ACOT11: variants seen among roughly 807,000 people sequenced by gnomAD.
The protein encoded by ACOT11 is acyl-CoA thioesterase 11.
ACOT11 carries 69 observed loss-of-function variants against 77.5 expected under a neutral mutation model. That is an observed-to-expected ratio of 0.89 (90% CI 0.73 to 1.09). The LOEUF (loss-of-function observed/expected upper bound fraction) is 1.09. ACOT11 is among the 50% of genes least tolerant of loss of function. The pLI is 0.00. For synonymous variants in ACOT11, 279 were observed against 313.0 expected (o/e 0.89, Z 1.15); for missense variants, 766 against 813.7 (o/e 0.94, Z 0.71).
At chr1:54,562,342 CG>C (rs1653544689) in intron 1 of ACOT11, among the ~76,000 whole-genome samples, 6 of 88,618 alleles carry the variant, frequency 6.8e-5, no homozygotes, top group African/African-American at 3.6e-4. Flanking sequence ...CCCTCCCGGA[CG>C]GGGTGGCTGG....
intron 1 of ACOT11, among the ~76,000 whole-genome samples, chr1:54,548,990 G>C (rs1463246221): frequency 6.6e-6 from 1 of 152,184 alleles, no homozygotes; most frequent in Non-Finnish European, 1.5e-5. Context: ...GATGGGCTCA[G>C]GACAGACTGG....
At chr1:54,610,338 G>T (rs115202613), downstream of ACOT11, 2 of 1,567,528 alleles carry the variant, frequency 1.3e-6, no homozygotes, top group South Asian at 1.2e-5. Context: ...AACAGAGACC[G>T]GCGGTACCTG....
chr1:54,607,840 C>G lies in ACOT11; in HGVS notation c.1503-102C>G. 6.8e-7 allele frequency: 1 copy of G among 1,461,404 alleles called. No homozygotes were observed. Among genetic ancestry groups the G allele is most frequent in the Non-Finnish European group, 9.3e-7 (1 of 1,071,842 alleles). 90.5% of individuals were successfully genotyped at this position (1,461,404 alleles called of 1,614,324 possible). A position where few individuals can be genotyped will look rare whatever the true frequency, so the allele number is the denominator to read the frequency against. On this transcript the variant is annotated intron_variant, in intron 14 of 15. Coordinates refer to ENST00000343744, the MANE Select transcript of ACOT11 (RefSeq NM_147161.4). This position sits in a 1 kb window ranked among gnomAD's most constrained non-coding sequence, Gnocchi z 4.5. ...GCCTTGCATCCCCCTGGTGAGGAAT[C>G]TGTGCTAGAGGGGGCAGGGTCTCGG...
At chr1:54,562,455 A>C (rs1569654086) in intron 1 of ACOT11, among the ~76,000 whole-genome samples, 2 of 65,974 alleles carry the variant, frequency 3.0e-5, no homozygotes, top group African/African-American at 1.0e-4. Context: ...TGATCCCCCC[A>C]CCTCCCTCCC....
At chr1:54,634,958 A>C (rs1314188493) in exon 17 of ACOT11, 15 of 497,160 alleles carry the variant, frequency 3.0e-5, no homozygotes, top group Non-Finnish European at 3.2e-5. Context: ...AATGGTAGCT[A>C]TGATAGCAGT....
At chr1:54,591,105 G>A (rs545943858) in intron 3 of ACOT11, among the ~76,000 whole-genome samples, 4 of 152,100 alleles carry the variant, frequency 2.6e-5, no homozygotes, top group Non-Finnish European at 4.4e-5. Flanking sequence ...ACATCGTGAT[G>A]CTTCATCCGT....
intron 1 of ACOT11, among the ~76,000 whole-genome samples, chr1:54,553,614 A>G (rs1221452023): frequency 6.6e-6 from 1 of 151,990 alleles, no homozygotes; most frequent in East Asian, 1.9e-4. Context: ...TTTTTTGGTG[A>G]TAGTGCAGAA....
rs1644035846 is a variant in ACOT11 at position 54,607,164 on chromosome 1, G to A, written c.1401G>A (p.Glu467=). The change falls in exon 14 of 16, where the codon GAG becomes GAA. Residue 467 remains glutamate (E), a synonymous_variant. Transcript: ENST00000343744. The surrounding 1 kb of genome is among the most constrained non-coding windows in gnomAD (Gnocchi z 4.5). ...RSVELVQQVD[E]DDAIYHVTSP... is the part of the protein sequence containing the mutation. Reference sequence around the variant, plus strand: ...TGGAGCTAGTGCAGCAGGTAGACGAGGACGACGCCATCTACCACGTCACCA... The same window carrying A: ...TGGAGCTAGTGCAGCAGGTAGACGAAGACGACGCCATCTACCACGTCACCA... The A allele has an allele frequency of 1.2e-6, 2 of 1,614,160 alleles. No individual in the cohort carries two copies. The highest frequency in any genetic ancestry group is 1.7e-6 in the Non-Finnish European group (2 of 1,180,020).
intron 1 of ACOT11, among the ~76,000 whole-genome samples, chr1:54,558,182 T>C (rs1270662945): frequency 6.6e-6 from 1 of 152,172 alleles, no homozygotes; most frequent in African/African-American, 2.4e-5. Flanking sequence ...TGGCCAATGA[T>C]ATATATAGCC....
chr1:54,632,817 G>A (rs1644308352), intron 16 of ACOT11, among the ~76,000 whole-genome samples: 1 of 152,184 alleles, frequency 6.6e-6, no homozygotes, highest in African/African-American at 2.4e-5. Flanking sequence ...TAACATAGTT[G>A]GAGTTGGTAA....
At chr1:54,565,476 T>G (rs1017415567) in intron 1 of ACOT11, among the ~76,000 whole-genome samples, 2 of 151,960 alleles carry the variant, frequency 1.3e-5, no homozygotes, top group African/African-American at 4.8e-5. Context: ...GGCTCTGGAG[T>G]CAGAAGGACC....
chr1:54,584,667 G>C lies in ACOT11; in HGVS notation c.46G>C (p.Val16Leu), dbSNP rs765374744. The stretch of plus-strand genomic sequence containing the variant: ...ACCTGTACCCCAGGGCTTGGCCTCT[G>C]TGTTCTCCAACCGCACATCCCGGAA... Reference protein sequence around the residue: ...GNHLRRGLASVFSNRTSRKSA... With the variant: ...GNHLRRGLASLFSNRTSRKSA... The change falls in exon 2 of 16, where the codon GTG becomes CTG. Residue 16 changes from valine (V) to leucine (L), a missense_variant. Physicochemically the swap from Val to Leu is conservative, Grantham distance 32 (BLOSUM62 1). Coordinates refer to ENST00000343744, the MANE Select transcript of ACOT11 (RefSeq NM_147161.4). The surrounding 1 kb of genome is among the most constrained non-coding windows in gnomAD (Gnocchi z 6.3). The C allele has an allele frequency of 6.2e-7, 1 of 1,614,110 alleles. No individual in the cohort carries two copies. The highest frequency in any genetic ancestry group is 1.7e-5 in the Admixed American group (1 of 60,012).
downstream of ACOT11, chr1:54,610,653 T>TAG: frequency 6.7e-7 from 1 of 1,502,312 alleles, no homozygotes; most frequent in South Asian, 1.3e-5. Flanking sequence ...ACGGGCATCC[T>TAG]CTCTAAGCCT....
At chr1:54,608,399 A>T (rs1644059246) in intron 15 of ACOT11, among the ~76,000 whole-genome samples, 1 of 152,034 alleles carries the variant, frequency 6.6e-6, no homozygotes, top group Non-Finnish European at 1.5e-5. Context: ...AGGGCCCATA[A>T]AACCCAGCAG....
chr1:54,601,652 G>A (rs1269339532), intron 9 of ACOT11, among the ~76,000 whole-genome samples: 1 of 152,212 alleles, frequency 6.6e-6, no homozygotes, highest in Non-Finnish European at 1.5e-5. Context: ...TCGGAGTTGG[G>A]GGTTAATGGG....
At chr1:54,622,907 AC>A (rs1305665221) in intron 15 of ACOT11, among the ~76,000 whole-genome samples, 5 of 151,414 alleles carry the variant, frequency 3.3e-5, no homozygotes, top group Non-Finnish European at 7.4e-5. Context: ...AGGCATGATG[AC>A]TCACACCTGT....
At chr1:54,604,213 G>T (rs1643998170) in intron 11 of ACOT11, 133 bp from the exon 12 acceptor site, 1 of 781,012 alleles carries the variant, frequency 1.3e-6, no homozygotes, top group African/African-American at 1.7e-5. Context: ...TCTTTCCACA[G>T]CACCTGCCGC....
intron 1 of ACOT11, among the ~76,000 whole-genome samples, chr1:54,565,467 G>T (rs1307297810): frequency 2.0e-5 from 3 of 152,150 alleles, no homozygotes; most frequent in East Asian, 3.8e-4. Flanking sequence ...CTCCTGCCAG[G>T]CTCTGGAGTC....
intron 1 of ACOT11, among the ~76,000 whole-genome samples, chr1:54,554,317 GTGTGT>G (rs1557643877): frequency 2.5e-5 from 2 of 81,478 alleles, no homozygotes; most frequent in South Asian, 4.3e-4. Context: ...GTGTGTGTGT[GTGTGT>G]GTGTGTGTGT....
Sources: gnomAD v4.1 joint callset for allele counts (sites outside exome capture counted in the v4.1 genomes callset) on GRCh38, gnomAD v4.1.1 for gene constraint, Gnocchi (gnomAD v3.1) non-coding constraint, MANE v1.5 for transcripts, NCBI Gene and HGNC (gene_info 2026-07-23, HGNC 2026-07-21) for gene names.